Variants in EML5 observed in about 807,000 individuals in gnomAD.
EML5 encodes the protein echinoderm microtubule-associated protein-like 5.
A neutral mutation model predicts 250.0 loss-of-function variants in EML5; 120 were observed. The observed-to-expected ratio is 0.48, with a 90% CI of 0.41 to 0.56. EML5 has a LOEUF of 0.56. EML5 is among the 20% of genes least tolerant of loss of function. The probability of loss-of-function intolerance (pLI) is 0.00; values close to 1 mark genes in which losing one functional copy is unlikely to be tolerated. For synonymous variants in EML5, 771 were observed against 806.5 expected (o/e 0.96, Z 0.75); for missense variants, 2,006 against 2,437.6 (o/e 0.82, Z 3.73).
chr14:88,781,518 C>T (rs114891926), intron 1 of EML5, among the ~76,000 whole-genome samples: 2,022 of 152,028 alleles, frequency 0.013, 49 homozygotes, highest in African/African-American at 0.045. Context: ...TTTGTATATC[C>T]TTATCCCCTC....
At chr14:88,682,489 A>G (rs758498830) in intron 20 of EML5, among the ~76,000 whole-genome samples, 2 of 152,046 alleles carry the variant, frequency 1.3e-5, no homozygotes, top group African/African-American at 4.8e-5. Context: ...TTTACTCAAG[A>G]AAATCTGTTA....
chr14:88,758,882 G>A (rs945848316), intron 1 of EML5, among the ~76,000 whole-genome samples: 2 of 152,102 alleles, frequency 1.3e-5, no homozygotes, highest in African/African-American at 2.4e-5. Flanking sequence ...AAAACATTAC[G>A]CTAAGTGAAG....
chr14:88,662,998 T>C (rs1159180185), intron 24 of EML5, 33 bp downstream of exon 24: 3 of 1,490,024 alleles, frequency 2.0e-6, no homozygotes, highest in Admixed American at 4.5e-5. Flanking sequence ...TTTATTCACA[T>C]GAACAACACT....
intron 31 of EML5, among the ~76,000 whole-genome samples, chr14:88,641,900 T>A (rs1421205251): frequency 1.3e-5 from 2 of 152,180 alleles, no homozygotes; most frequent in Admixed American, 1.3e-4. Context: ...TCCTTTCTTG[T>A]TTATCTTACT....
chr14:88,746,461 A>T (rs1047124339), intron 2 of EML5, among the ~76,000 whole-genome samples, 178 bp from the exon 3 acceptor site: 1 of 152,212 alleles, frequency 6.6e-6, no homozygotes, highest in South Asian at 2.1e-4. Flanking sequence ...GTGTTTCCAC[A>T]TATGTATAGA....
Position 88,672,038 on chromosome 14 carries a change from G to A in EML5, c.3125-6549C>T, listed in dbSNP as rs141355887. On this transcript the variant is annotated intron_variant, in intron 21 of 43. Transcript: ENST00000554922. ...ATATTCAGGACTTGAACTCAGCTCC[G>A]GATCAAGCGGACCTGATAGATATCT... Among the ~76,000 whole-genome samples the A allele has an allele frequency of 3.0e-3, 456 of 152,152 alleles. 2 individuals carry two copies. The highest frequency in any genetic ancestry group is 0.01 in the African/African-American group (433 of 41,484).
chr14:88,758,503 T>C (rs1338381126), intron 1 of EML5, among the ~76,000 whole-genome samples: 2 of 152,144 alleles, frequency 1.3e-5, no homozygotes, highest in African/African-American at 4.8e-5. Flanking sequence ...CCCACTTCTA[T>C]ATTTTAAAAG....
At chr14:88,771,370 T>C (rs1423274362) in intron 1 of EML5, among the ~76,000 whole-genome samples, 1 of 152,254 alleles carries the variant, frequency 6.6e-6, no homozygotes, top group Non-Finnish European at 1.5e-5. Flanking sequence ...CTCTGACTTC[T>C]CTTTATGTCT....
intron 27 of EML5, among the ~76,000 whole-genome samples, chr14:88,651,763 C>A (rs528682792): frequency 2.0e-5 from 3 of 151,498 alleles, no homozygotes; most frequent in Admixed American, 1.3e-4. Context: ...ACATATGTAG[C>A]GCTTATTGCT....
intron 32 of EML5, among the ~76,000 whole-genome samples, chr14:88,635,032 A>G (rs2090642926): frequency 1.3e-5 from 2 of 152,248 alleles, no homozygotes; most frequent in Admixed American, 6.5e-5. Flanking sequence ...CTTTCTTTCA[A>G]CTAAAGATTT....
At position 88,615,819 on chromosome 14, in the gene EML5, C is replaced by T; in HGVS notation, c.5933G>A (p.Ter1978=). The change falls in exon 44 of 44, where the codon TGA becomes TAA. Residue 1978 remains the stop codon, a stop_retained_variant. Coordinates refer to ENST00000554922, the MANE Select transcript of EML5 (RefSeq NM_183387.3). The stretch of plus-strand genomic sequence containing the variant: ...TTTCTGTAGTCATCTCAGCATCTCT[C>T]AGTGAGGTGTATGTACACATTTCCA... The part of the protein sequence containing the change: ...FVWKCVHTPH[*] 17 of 1,611,462 alleles carry T rather than the reference C, an allele frequency of 1.1e-5. No individual in the cohort carries two copies. Among genetic ancestry groups the T allele is most frequent in the Non-Finnish European group, 1.4e-5 (17 of 1,178,866 alleles).
intron 36 of EML5, chr14:88,622,994 A>G (rs935224622): frequency 1.3e-4 from 36 of 272,984 alleles, no homozygotes; most frequent in Non-Finnish European, 2.1e-4. Context: ...ATACATTACA[A>G]TACATTATCC....
intron 1 of EML5, among the ~76,000 whole-genome samples, chr14:88,761,169 G>A (rs1349097611): frequency 6.6e-6 from 1 of 151,906 alleles, no homozygotes; most frequent in African/African-American, 2.4e-5. Context: ...TTGTCTGATT[G>A]CACTGGCTTG....
At chr14:88,727,495 G>A (rs578059638) in intron 7 of EML5, among the ~76,000 whole-genome samples, 36 of 148,186 alleles carry the variant, frequency 2.4e-4, no homozygotes, top group African/African-American at 8.6e-4. Flanking sequence ...TCCGCCTCCC[G>A]GGTTCAAGCA....
Position 88,627,791 on chromosome 14 carries a change from A to G in EML5, c.4386T>C (p.Asp1462=). The change falls in exon 34 of 44, where the codon GAT becomes GAC. Residue 1462 remains aspartate, a synonymous_variant. Coordinates refer to ENST00000554922, the MANE Select transcript of EML5 (RefSeq NM_183387.3). ...TAGATAAAGTCTGCTTGTTCATTGC[A>G]TCCCAGATGTGAATAGAAGGAGCTG... ...SATAPSIHIW[D]AMNKQTLSIL... is the part of the protein sequence containing the mutation. 1.2e-6 allele frequency: 2 copies of G among 1,604,862 alleles called. No individual in the cohort carries two copies. Among genetic ancestry groups the G allele is most frequent in the Non-Finnish European group, 1.7e-6 (2 of 1,176,054 alleles).
At chr14:88,643,081 TTTTGTTG>T in intron 30 of EML5, 59 bp from the exon 31 acceptor site, 1 of 1,477,320 alleles carries the variant, frequency 6.8e-7, no homozygotes. Flanking sequence ...TTCACCACTG[TTTTGTTG>T]TATACGTAAT....
chr14:88,712,043 G>A (rs995119516), intron 10 of EML5, among the ~76,000 whole-genome samples: 3 of 151,884 alleles, frequency 2.0e-5, no homozygotes, highest in African/African-American at 4.8e-5. Flanking sequence ...AAGAGATATA[G>A]TGCATTCATA....
chr14:88,680,150 C>T (rs1024063592), intron 21 of EML5, among the ~76,000 whole-genome samples: 12 of 152,186 alleles, frequency 7.9e-5, no homozygotes, highest in Admixed American at 5.2e-4. Context: ...ATATACTAAA[C>T]ATTAAATTAT....
chr14:88,728,217 T>C (rs955613518), intron 7 of EML5, among the ~76,000 whole-genome samples: 1 of 152,080 alleles, frequency 6.6e-6, no homozygotes, highest in Non-Finnish European at 1.5e-5. Flanking sequence ...TTTTTGTCAT[T>C]ATTCCCTAAA....
Sources: allele counts gnomAD v4.1 joint callset (sites outside exome capture counted in the v4.1 genomes callset), GRCh38; gene constraint gnomAD v4.1.1; transcripts MANE v1.5; gene names NCBI Gene and HGNC (gene_info 2026-07-23, HGNC 2026-07-21).